The following AGFG1 variants were observed in gnomAD, a reference collection of about 807,000 sequenced individuals.
AGFG1 encodes arf-GAP domain and FG repeat-containing protein 1.
A neutral mutation model predicts 60.6 loss-of-function variants in AGFG1; 10 were observed. The ratio of observed to expected loss-of-function variants is 0.16; its 90% CI spans 0.10 to 0.28. The LOEUF is 0.28. AGFG1 is among the 10% of genes least tolerant of loss of function. The probability of loss-of-function intolerance (pLI) is 1.00; values close to 1 mark genes in which losing one functional copy is unlikely to be tolerated. For synonymous variants in AGFG1, 247 were observed against 242.9 expected (o/e 1.02, Z -0.16); for missense variants, 537 against 676.5 (o/e 0.79, Z 2.29).
rs1386204453 is a variant in AGFG1, at chr2:227,557,753, A to C, written c.*3258A>C. On this transcript the variant is annotated 3_prime_UTR_variant, in exon 13 of 13. Coordinates refer to ENST00000310078, the MANE Select transcript of AGFG1 (RefSeq NM_004504.5). ...GCTTAATAAAAGCAGTGAGATTTTC[A>C]TGCTGCTTTTGCATTCCAACTTAAA... 1 of 152,240 alleles carries C rather than the reference A, an allele frequency of 6.6e-6. No homozygotes were observed. Among genetic ancestry groups the C allele is most frequent in the Admixed American group, 6.5e-5 (1 of 15,284 alleles). The allele number at this position is 152,240 out of a possible 1,614,324, so 9.4% of individuals were successfully genotyped here. A position where few individuals can be genotyped will look rare whatever the true frequency, so the allele number is the denominator to read the frequency against.
rs530003859 is a variant in AGFG1, at chr2:227,497,695, G to A, written c.261+6055G>A. Among the ~76,000 whole-genome samples the A allele has an allele frequency of 9.7e-5, 14 of 144,248 alleles. No individual in the cohort carries two copies. In the South Asian group the frequency reaches 3.1e-3, roughly 32 times the overall value. The allele number at this position is 144,248 out of a possible 152,430, so 94.6% of individuals were successfully genotyped here. ...TAATTATACCTAAAGCAGTGAAAAT[G>A]CACAAGCATATATAGCCAAATGAGT... On this transcript the variant is annotated intron_variant, in intron 2 of 12. Coordinates refer to ENST00000310078, the MANE Select transcript of AGFG1 (RefSeq NM_004504.5).
chr2:227,507,909 C>G (rs893202432), intron 2 of AGFG1, among the ~76,000 whole-genome samples: 2 of 151,358 alleles, frequency 1.3e-5, no homozygotes, highest in African/African-American at 4.8e-5. Context: ...CCAAATTTTC[C>G]CCTCTTTGTT....
At chr2:227,501,408 A>C (rs1191779357) in intron 2 of AGFG1, among the ~76,000 whole-genome samples, 3 of 152,206 alleles carry the variant, frequency 2.0e-5, no homozygotes, top group Non-Finnish European at 4.4e-5. Flanking sequence ...ATTAGAATTC[A>C]GTATTCGTTC....
At chr2:227,490,157 A>G (rs895112366) in intron 1 of AGFG1, among the ~76,000 whole-genome samples, 6 of 152,198 alleles carry the variant, frequency 3.9e-5, no homozygotes, top group Non-Finnish European at 8.8e-5. Context: ...CACCATATTT[A>G]ATTATTCAAA....
chr2:227,546,906 C>T (rs1423389049), intron 10 of AGFG1, among the ~76,000 whole-genome samples: 1 of 152,096 alleles, frequency 6.6e-6, no homozygotes, highest in African/African-American at 2.4e-5. Flanking sequence ...AGGAAAGGTA[C>T]TTACCAAAAT....
chr2:227,494,886 G>A (rs763811242), intron 2 of AGFG1, among the ~76,000 whole-genome samples: 6 of 152,166 alleles, frequency 3.9e-5, no homozygotes, highest in Non-Finnish European at 7.4e-5. Flanking sequence ...ATGGCAATAC[G>A]AATTGTATTT....
chr2:227,481,015 G>C (rs886105081), intron 1 of AGFG1, among the ~76,000 whole-genome samples: 78 of 149,112 alleles, frequency 5.2e-4, no homozygotes, highest in African/African-American at 1.9e-3. Flanking sequence ...CTCTTTTGGA[G>C]TATGTAAGAT....
chr2:227,538,452 A>G (rs1253118969), intron 10 of AGFG1, among the ~76,000 whole-genome samples: 19 of 152,230 alleles, frequency 1.2e-4, no homozygotes, highest in Non-Finnish European at 8.8e-5. Context: ...AGTTGTTCAC[A>G]AGATGCTATT....
chr2:227,536,797 T>A, intron 9 of AGFG1, 93 bp downstream of exon 9: 1 of 1,544,858 alleles, frequency 6.5e-7, no homozygotes, highest in Non-Finnish European at 8.9e-7. Context: ...TGATTTGTTA[T>A]CAGAATCCTT....
intron 10 of AGFG1, among the ~76,000 whole-genome samples, chr2:227,540,754 C>A (rs1305340640): frequency 6.6e-6 from 1 of 152,130 alleles, no homozygotes; most frequent in Non-Finnish European, 1.5e-5. Flanking sequence ...AGTTCTAGAT[C>A]CCTGGGGAAT....
intron 6 of AGFG1, among the ~76,000 whole-genome samples, chr2:227,533,209 CAGG>C (rs1223991775): frequency 6.6e-6 from 1 of 152,116 alleles, no homozygotes; most frequent in Non-Finnish European, 1.5e-5. Flanking sequence ...GCAGTCTGTT[CAGG>C]GAGAACTAGT....
At chr2:227,525,465 C>A (rs930625209) in intron 5 of AGFG1, among the ~76,000 whole-genome samples, 3 of 152,124 alleles carry the variant, frequency 2.0e-5, no homozygotes, top group Non-Finnish European at 4.4e-5. Context: ...CACATACATA[C>A]GTACATATGT....
At chr2:227,527,415 G>A (rs893834913) in intron 5 of AGFG1, among the ~76,000 whole-genome samples, 1 of 152,058 alleles carries the variant, frequency 6.6e-6, no homozygotes, top group Non-Finnish European at 1.5e-5. Context: ...ATGCATTTAA[G>A]AAAAAGGATC....
intron 2 of AGFG1, among the ~76,000 whole-genome samples, chr2:227,506,672 A>G (rs1042800903): frequency 3.3e-5 from 5 of 150,006 alleles, no homozygotes; most frequent in African/African-American, 1.2e-4. Flanking sequence ...CAGAGTTTAT[A>G]GTTGTTATCT....
intron 1 of AGFG1, among the ~76,000 whole-genome samples, chr2:227,480,992 C>G (rs1690441001): frequency 6.6e-6 from 1 of 151,966 alleles, no homozygotes; most frequent in Non-Finnish European, 1.5e-5. Flanking sequence ...TTCTGACCCA[C>G]TTCTTTTCTT....
rs1692933322 is a variant in AGFG1 at position 227,555,060 on chromosome 2, A to C, written c.*565A>C. 1 of 152,592 alleles carries C rather than the reference A, an allele frequency of 6.6e-6. No individual in the cohort carries two copies. Among genetic ancestry groups the C allele is most frequent in the Non-Finnish European group, 1.5e-5 (1 of 67,994 alleles). 9.5% of individuals were successfully genotyped at this position (152,592 alleles called of 1,614,324 possible). On this transcript the variant is annotated 3_prime_UTR_variant, in exon 13 of 13. Coordinates refer to ENST00000310078, the MANE Select transcript of AGFG1 (RefSeq NM_004504.5). ...AAAATGTAGAGGGATACCTGTCTGC[A>C]TAATAAAGCTGATCATGTTTTGCTA...
rs1236365635 is a variant in AGFG1, at chr2:227,558,998, C to G, written c.*4503C>G. On this transcript the variant is annotated 3_prime_UTR_variant, in exon 13 of 13. Coordinates refer to ENST00000310078, the MANE Select transcript of AGFG1 (RefSeq NM_004504.5). ...GCTTTTATATTGTTAATTCATTTAG[C>G]AAGCATTTGAACACTTGTTTATTTT... is the stretch of plus-strand genomic sequence containing the variant. 1 of 152,126 alleles carries G rather than the reference C, an allele frequency of 6.6e-6. No homozygotes were observed. Among genetic ancestry groups the G allele is most frequent in the African/African-American group, 2.4e-5 (1 of 41,424 alleles). 9.4% of individuals were successfully genotyped at this position (152,126 alleles called of 1,614,324 possible). A position where few individuals can be genotyped will look rare whatever the true frequency, so the allele number is the denominator to read the frequency against.
intron 2 of AGFG1, among the ~76,000 whole-genome samples, chr2:227,511,133 C>A (rs1269290374): frequency 3.9e-5 from 6 of 152,162 alleles, no homozygotes; most frequent in African/African-American, 1.4e-4. Context: ...TTGGGAAGTT[C>A]TTCCTCCAGG....
intron 10 of AGFG1, among the ~76,000 whole-genome samples, chr2:227,548,875 T>C (rs749816192): frequency 1.3e-5 from 2 of 150,672 alleles, no homozygotes; most frequent in Non-Finnish European, 3.0e-5. Context: ...AGGTGGAGCT[T>C]GCAGTGAGCC....
Sources: allele counts gnomAD v4.1 joint callset (sites outside exome capture counted in the v4.1 genomes callset), GRCh38; gene constraint gnomAD v4.1.1; transcripts MANE v1.5; gene names NCBI Gene and HGNC (gene_info 2026-07-23, HGNC 2026-07-21).